The following WDR27 variants were observed in gnomAD, a reference collection of about 807,000 sequenced individuals.
WDR27 encodes the protein WD repeat domain 27, also known as WD repeat-containing protein 27.
Under a neutral mutation model 114.4 loss-of-function variants are expected in WDR27, and 100 were observed. That is an observed-to-expected ratio of 0.87 (90% CI 0.74 to 1.03). The LOEUF (loss-of-function observed/expected upper bound fraction) is 1.03. WDR27 is among the 50% of genes least tolerant of loss of function. The probability of loss-of-function intolerance (pLI) is 0.00; values close to 1 mark genes in which losing one functional copy is unlikely to be tolerated. For synonymous variants in WDR27, 449 were observed against 423.1 expected (o/e 1.06, Z -0.75); for missense variants, 1,129 against 1,092.9 (o/e 1.03, Z -0.47).
intron 2 of WDR27, among the ~76,000 whole-genome samples, chr6:169,686,288 A>C (rs1782927942): frequency 1.3e-5 from 2 of 152,194 alleles, no homozygotes; most frequent in Non-Finnish European, 2.9e-5. Flanking sequence ...ACAAAGGAGA[A>C]AGACAAAGGA....
At position 169,701,849 on chromosome 6, in the gene WDR27, G is replaced by A. The variant is rs1788165984; in HGVS notation, c.-306C>T. 3.1e-6 allele frequency: 1 copy of A among 322,374 alleles called. No homozygotes were observed. Among genetic ancestry groups the A allele is most frequent in the Non-Finnish European group, 6.0e-6 (1 of 165,422 alleles). 20.0% of individuals were successfully genotyped at this position (322,374 alleles called of 1,614,324 possible). On this transcript the variant is annotated 5_prime_UTR_variant, in exon 1 of 26. Coordinates refer to ENST00000448612, the MANE Select transcript of WDR27 (RefSeq NM_182552.5). Reference sequence around the variant, plus strand: ...CCCGCGCTCCAGCCCTGCGCCCTAGGCACACGCCCCAGAGCAGCAGCTCGG... The same window carrying A: ...CCCGCGCTCCAGCCCTGCGCCCTAGACACACGCCCCAGAGCAGCAGCTCGG...
chr6:169,563,751 TC>T (rs1175492821), intron 25 of WDR27, among the ~76,000 whole-genome samples: 1 of 152,178 alleles, frequency 6.6e-6, no homozygotes, highest in African/African-American at 2.4e-5. Context: ...CTTTCCAAAT[TC>T]AGAGTCTGCC....
intron 21 of WDR27, among the ~76,000 whole-genome samples, chr6:169,617,257 G>A (rs145837843): frequency 1.9e-4 from 29 of 152,290 alleles, no homozygotes; most frequent in Middle Eastern, 6.8e-3. Context: ...GGCATGTGGT[G>A]GACTGTGCCA....
chr6:169,535,123 G>A (rs73792919), intron 25 of WDR27, among the ~76,000 whole-genome samples: 2,494 of 152,244 alleles, frequency 0.016, 63 homozygotes, highest in African/African-American at 0.057. Context: ...GAACAAGCAC[G>A]TAATTTTCAA....
intron 1 of WDR27, among the ~76,000 whole-genome samples, chr6:169,699,793 G>C (rs1459290345): frequency 6.6e-6 from 1 of 152,118 alleles, no homozygotes; most frequent in Non-Finnish European, 1.5e-5. Context: ...ACCAGCCTGG[G>C]CAACATAGTG....
the WDR27 span, among the ~76,000 whole-genome samples, chr6:169,444,587 G>A: frequency 6.6e-6 from 1 of 152,086 alleles, no homozygotes; most frequent in African/African-American, 2.4e-5. Context: ...AACATCTCCA[G>A]AGACCCAAGC....
At chr6:169,655,783 G>A (rs573053852) in intron 13 of WDR27, among the ~76,000 whole-genome samples, 93 of 152,258 alleles carry the variant, frequency 6.1e-4, no homozygotes, top group Middle Eastern at 3.4e-3. Flanking sequence ...GCAATGGCAC[G>A]ATCTCAGCTC....
At chr6:169,537,225 T>C (rs1268805035) in intron 25 of WDR27, among the ~76,000 whole-genome samples, 1 of 152,192 alleles carries the variant, frequency 6.6e-6, no homozygotes, top group Non-Finnish European at 1.5e-5. Flanking sequence ...AGATCTCTCT[T>C]CTTACGTAGC....
chr6:169,527,022 T>C (rs1441504551), intron 25 of WDR27, among the ~76,000 whole-genome samples: 2 of 152,242 alleles, frequency 1.3e-5, no homozygotes, highest in Non-Finnish European at 2.9e-5. Context: ...GTAGAGCAAC[T>C]GGAATCCTTA....
At chr6:169,689,833 G>A (rs1783991506) in intron 1 of WDR27, among the ~76,000 whole-genome samples, 1 of 152,258 alleles carries the variant, frequency 6.6e-6, no homozygotes, top group Non-Finnish European at 1.5e-5. Context: ...GTGGGGTCAT[G>A]CACGCTGTAG....
chr6:169,613,545 C>G lies in WDR27; in HGVS notation c.2321+14G>C. ...CTCCCCACCCCTGCAGTGCAGGGCG[C>G]AGGACAGCCTTACCTCAGGGTTCTC... On this transcript the variant is annotated intron_variant, in intron 22 of 25. Transcript: ENST00000448612. 2 of 1,610,828 alleles carry G rather than the reference C, an allele frequency of 1.2e-6. No homozygotes were observed. The highest frequency in any genetic ancestry group is 1.7e-5 in the Admixed American group (1 of 59,972).
chr6:169,447,918 C>A, the WDR27 span, among the ~76,000 whole-genome samples: 1 of 152,158 alleles, frequency 6.6e-6, no homozygotes, highest in East Asian at 1.9e-4. Context: ...GGATTTTATA[C>A]TTACTTCCCT....
chr6:169,641,650 C>A (rs1819200871), intron 17 of WDR27, among the ~76,000 whole-genome samples: 1 of 152,238 alleles, frequency 6.6e-6, no homozygotes, highest in Admixed American at 6.5e-5. Flanking sequence ...AGGAGCAGAG[C>A]AGAAGCCACT....
the WDR27 span, among the ~76,000 whole-genome samples, chr6:169,444,351 T>C: frequency 6.6e-6 from 1 of 152,212 alleles, no homozygotes; most frequent in Non-Finnish European, 1.5e-5. Context: ...CTGTGCAGTG[T>C]GTTTGTCCCT....
chr6:169,478,006 T>C (rs970578321), intron 25 of WDR27, among the ~76,000 whole-genome samples: 1 of 152,132 alleles, frequency 6.6e-6, no homozygotes, highest in African/African-American at 2.4e-5. Context: ...AAGTACTATG[T>C]TCATGAAGGA....
At chr6:169,446,899 G>A in the WDR27 span, among the ~76,000 whole-genome samples, 2 of 152,164 alleles carry the variant, frequency 1.3e-5, no homozygotes, top group Non-Finnish European at 2.9e-5. Context: ...CACTTCTCCT[G>A]GTTGACTGAA....
At chr6:169,696,873 C>T (rs1786210171) in intron 1 of WDR27, among the ~76,000 whole-genome samples, 1 of 152,166 alleles carries the variant, frequency 6.6e-6, no homozygotes, top group African/African-American at 2.4e-5. Flanking sequence ...AAGATTGTGC[C>T]ACTGCACTCC....
In WDR27 at chr6:169,495,497, A is replaced by G. The variant is rs1790282607; in HGVS notation, c.2646-37863T>C. 2.9e-5 allele frequency among the ~76,000 whole-genome samples: 4 copies of G among 137,484 alleles called. No individual in the cohort carries two copies. In the Admixed American group the frequency reaches 2.9e-4, roughly 10 times the overall value. 90.2% of individuals were successfully genotyped at this position (137,484 alleles called of 152,430 possible). A position where few individuals can be genotyped will look rare whatever the true frequency, so the allele number is the denominator to read the frequency against. On this transcript the variant is annotated intron_variant, in intron 25 of 25. Transcript: ENST00000448612. The stretch of plus-strand genomic sequence containing the variant: ...TATAAACCATTGGAAAAATCAATGA[A>G]ACAAAAAGTTGATTCTTTGAAAAGA...
chr6:169,494,570 C>T (rs1790167452), intron 25 of WDR27, among the ~76,000 whole-genome samples: 1 of 152,080 alleles, frequency 6.6e-6, no homozygotes. Flanking sequence ...TAACAGGTCA[C>T]CATTGTATAT....
Sources: gnomAD v4.1 joint callset for allele counts (sites outside exome capture counted in the v4.1 genomes callset) on GRCh38, gnomAD v4.1.1 for gene constraint, MANE v1.5 for transcripts, NCBI Gene and HGNC (gene_info 2026-07-23, HGNC 2026-07-21) for gene names.